The following KAZN variants were observed in gnomAD, a reference collection of about 807,000 sequenced individuals.
KAZN encodes the protein kazrin.
A neutral mutation model predicts 87.4 loss-of-function variants in KAZN; 40 were observed. That is an observed-to-expected ratio of 0.46 (90% confidence interval 0.36 to 0.60). The LOEUF (loss-of-function observed/expected upper bound fraction) is 0.60, where lower values mean the gene tolerates loss of function less well. Among genes scored for constraint, KAZN ranks in the 20% least tolerant of loss-of-function variants. The pLI, the probability that KAZN is intolerant of heterozygous loss-of-function variation, is 0.00. For missense variants in KAZN, 898 were observed against 1,073.9 expected (o/e 0.84, Z 2.29); for synonymous variants, 466 against 458.3 (o/e 1.02, Z -0.22).
In KAZN at chr1:14,687,399, AG is replaced by A. The variant is rs575952089; in HGVS notation, c.226+88180del. 1.5e-3 allele frequency among the ~76,000 whole-genome samples: 224 copies of A among 152,316 alleles called. 1 individual carries two copies. The highest frequency in any genetic ancestry group is 2.4e-3 in the Non-Finnish European group (163 of 68,022). On this transcript the variant is annotated intron_variant, in intron 1 of 14. Transcript: ENST00000376030. ...CTCAGAGAACTGGAGGAGCCCAGAG[AG>A]GGGACAGCTTCTGCGGCTCCAAGGG...
chr1:14,948,464 T>C lies in KAZN; in HGVS notation c.227-12220T>C, dbSNP rs545762494. On this transcript the variant is annotated intron_variant, in intron 1 of 14. Transcript: ENST00000376030. Reference sequence around the variant, plus strand: ...TTACCTCTGATTGGACTGACTTGGGTCATGTGCCTTCTCCTGAACCAGTCA... The same window carrying C: ...TTACCTCTGATTGGACTGACTTGGGCCATGTGCCTTCTCCTGAACCAGTCA... Among the ~76,000 whole-genome samples the C allele has an allele frequency of 2.6e-5, 4 of 151,818 alleles. No individual in the cohort carries two copies. In the South Asian group the frequency reaches 8.3e-4, roughly 32 times the overall value.
chr1:14,622,618 G>A (rs754484171), intron 1 of KAZN, among the ~76,000 whole-genome samples: 65 of 151,346 alleles, frequency 4.3e-4, no homozygotes, highest in Non-Finnish European at 7.5e-4. Context: ...ATGAACCTGG[G>A]GGGCGGAGCT....
chr1:14,700,816 A>G (rs1211835606), intron 1 of KAZN, among the ~76,000 whole-genome samples: 2 of 152,182 alleles, frequency 1.3e-5, no homozygotes, highest in African/African-American at 4.8e-5. Context: ...GAAAGGATCC[A>G]GTGAGAAAGA....
At chr1:14,084,125 T>A (rs1643778296) in intron 1 of KAZN, among the ~76,000 whole-genome samples, 1 of 151,936 alleles carries the variant, frequency 6.6e-6, no homozygotes, top group African/African-American at 2.4e-5. Context: ...GAGGTGATGG[T>A]GGATTGGACA....
In KAZN at chr1:14,875,743, G is replaced by C. The variant is rs1056537352; in HGVS notation, c.227-84941G>C. Among the ~76,000 whole-genome samples, 3 of 152,150 alleles carry C rather than the reference G, an allele frequency of 2.0e-5. No individual in the cohort carries two copies. In the East Asian group the frequency reaches 5.8e-4, roughly 29 times the overall value. ...GGAAACTGGCAATGACTACAAATCA[G>C]GGCTCCTTCGCCCAACCCTCCACAG... On this transcript the variant is annotated intron_variant, in intron 1 of 14. Coordinates refer to ENST00000376030, the MANE Select transcript of KAZN (RefSeq NM_201628.3).
At chr1:14,168,983 GA>G (rs1645892326) in intron 1 of KAZN, among the ~76,000 whole-genome samples, 1 of 152,178 alleles carries the variant, frequency 6.6e-6, no homozygotes, top group Admixed American at 6.5e-5. Flanking sequence ...GCAAGGCATG[GA>G]AAATATTAAC....
At chr1:15,091,566 G>A (rs187993764) in intron 8 of KAZN, among the ~76,000 whole-genome samples, 24 of 152,252 alleles carry the variant, frequency 1.6e-4, no homozygotes, top group Middle Eastern at 3.4e-3. Context: ...TAGCCAGGAC[G>A]GTCTCGATCT....
At chr1:15,008,215 C>G (rs1413375656) in intron 2 of KAZN, among the ~76,000 whole-genome samples, 1 of 152,196 alleles carries the variant, frequency 6.6e-6, no homozygotes, top group African/African-American at 2.4e-5. Context: ...GGCACCACCT[C>G]GGAGTCCAGG....
chr1:14,771,183 T>G (rs1237914836), intron 1 of KAZN, among the ~76,000 whole-genome samples: 3 of 152,136 alleles, frequency 2.0e-5, no homozygotes, highest in African/African-American at 7.2e-5. Flanking sequence ...AAGAAAGAAT[T>G]TTTTTAAATG....
In KAZN at chr1:14,824,882, G is replaced by A. The variant is rs138126418; in HGVS notation, c.227-135802G>A. Among the ~76,000 whole-genome samples the A allele has an allele frequency of 2.5e-4, 38 of 152,336 alleles. No homozygotes were observed. In the East Asian group the frequency reaches 7.3e-3, roughly 29 times the overall value. ...TATGAACCATGAGATATTTTGGTTT[G>A]AAGTGTCCCTTCTAGGCTCTACATT... On this transcript the variant is annotated intron_variant, in intron 1 of 14. Coordinates refer to ENST00000376030, the MANE Select transcript of KAZN (RefSeq NM_201628.3).
chr1:14,848,731 T>C (rs533368308), intron 1 of KAZN, among the ~76,000 whole-genome samples: 17 of 152,272 alleles, frequency 1.1e-4, no homozygotes, highest in African/African-American at 3.4e-4. Flanking sequence ...AACGTCGCCA[T>C]CCATCCCCCA....
intron 2 of KAZN, among the ~76,000 whole-genome samples, chr1:14,183,644 C>T (rs1167729569): frequency 6.6e-6 from 1 of 152,138 alleles, no homozygotes; most frequent in African/African-American, 2.4e-5. Context: ...TACTGTGTGA[C>T]TCCGCATGCT....
chr1:14,549,743 G>C (rs754794002), intron 2 of KAZN, among the ~76,000 whole-genome samples: 1 of 150,088 alleles, frequency 6.7e-6, no homozygotes, highest in Non-Finnish European at 1.5e-5. Context: ...TTGGGCAGTG[G>C]CCTCAGTTCG....
At chr1:14,950,206 C>G (rs983359089) in intron 1 of KAZN, among the ~76,000 whole-genome samples, 2 of 151,996 alleles carry the variant, frequency 1.3e-5, no homozygotes, top group African/African-American at 4.8e-5. Context: ...GATTGCTGTA[C>G]TGCTTCCCAT....
chr1:14,466,591 A>G (rs1471171146), intron 2 of KAZN, among the ~76,000 whole-genome samples: 1 of 151,282 alleles, frequency 6.6e-6, no homozygotes, highest in Non-Finnish European at 1.5e-5. Context: ...GCAAACCACC[A>G]TTGCATACGA....
chr1:14,936,795 C>G (rs1175266992), intron 1 of KAZN, among the ~76,000 whole-genome samples: 1 of 152,194 alleles, frequency 6.6e-6, no homozygotes, highest in Non-Finnish European at 1.5e-5. Context: ...CTCCCTCACC[C>G]TGTCCCCAGA....
intron 3 of KAZN, among the ~76,000 whole-genome samples, chr1:15,037,348 G>A (rs977902105): frequency 1.3e-5 from 2 of 152,192 alleles, no homozygotes; most frequent in Non-Finnish European, 2.9e-5. Flanking sequence ...TGAGCCACCA[G>A]CTTCCTCCCC....
At chr1:14,852,228 GT>G (rs1430702642) in intron 1 of KAZN, among the ~76,000 whole-genome samples, 1 of 152,190 alleles carries the variant, frequency 6.6e-6, no homozygotes, top group African/African-American at 2.4e-5. Context: ...AGCTCCAGGT[GT>G]TTGCATTTGA....
intron 1 of KAZN, among the ~76,000 whole-genome samples, chr1:14,789,283 G>A (rs1478454534): frequency 6.6e-6 from 1 of 151,950 alleles, no homozygotes; most frequent in Non-Finnish European, 1.5e-5. Context: ...CCCAGAGTCA[G>A]GGAAGAACAC....
Sources: allele counts gnomAD v4.1 joint callset (sites outside exome capture counted in the v4.1 genomes callset), GRCh38; gene constraint gnomAD v4.1.1; transcripts MANE v1.5; gene names NCBI Gene and HGNC (gene_info 2026-07-23, HGNC 2026-07-21).